Variants in LRRTM4 observed in about 807,000 individuals in gnomAD.
The protein encoded by LRRTM4 is leucine rich repeat transmembrane neuronal 4.
LRRTM4 carries 25 observed loss-of-function variants against 47.6 expected under a neutral mutation model. The observed-to-expected ratio is 0.53, with a 90% CI of 0.38 to 0.73. The LOEUF is 0.73. Ranked by LOEUF, LRRTM4 falls within the 30% of genes least tolerant of loss-of-function variation. LRRTM4 has a pLI of 0.00. For missense variants in LRRTM4, 638 were observed against 713.4 expected, an observed-to-expected ratio of 0.89 and a Z score of 1.20; for synonymous variants, 311 against 269.5, an observed-to-expected ratio of 1.15 and a Z score of -1.51.
At chr2:77,378,066 C>T (rs1453279822) in intron 3 of LRRTM4, among the ~76,000 whole-genome samples, 1 of 151,882 alleles carries the variant, frequency 6.6e-6, no homozygotes, top group African/African-American at 2.4e-5. Context: ...CATAATTATT[C>T]ACAATACTAT....
At chr2:76,749,012 T>A in intron 3 of LRRTM4, 96 bp from the exon 4 acceptor site, 1 of 909,566 alleles carries the variant, frequency 1.1e-6, no homozygotes, top group South Asian at 1.6e-5. Flanking sequence ...TCTTTCATGC[T>A]GTTTCAAGTC....
At chr2:77,085,378 CTT>C (rs11393823) in intron 3 of LRRTM4, among the ~76,000 whole-genome samples, 28 of 139,692 alleles carry the variant, frequency 2.0e-4, no homozygotes, top group Admixed American at 2.1e-4. Flanking sequence ...CAATCCCTCA[CTT>C]TTTTTTTTTT....
intron 3 of LRRTM4, among the ~76,000 whole-genome samples, chr2:76,764,939 G>C (rs567228092): frequency 6.6e-6 from 1 of 152,252 alleles, no homozygotes; most frequent in Non-Finnish European, 1.5e-5. Context: ...TGGAGCCTTG[G>C]GGGCAGGACC....
At chr2:76,824,532 A>G (rs985164159) in intron 3 of LRRTM4, among the ~76,000 whole-genome samples, 4 of 151,612 alleles carry the variant, frequency 2.6e-5, no homozygotes, top group Admixed American at 6.6e-5. Flanking sequence ...GCTTATGTGT[A>G]TAACACTAAG....
chr2:77,010,721 A>T (rs891186160), intron 3 of LRRTM4, among the ~76,000 whole-genome samples: 3 of 152,100 alleles, frequency 2.0e-5, no homozygotes, highest in Non-Finnish European at 4.4e-5. Flanking sequence ...TTCTCTGCCC[A>T]GGATGTAAAA....
At chr2:76,793,093 T>A (rs10178612) in intron 3 of LRRTM4, among the ~76,000 whole-genome samples, 4 of 152,092 alleles carry the variant, frequency 2.6e-5, no homozygotes, top group African/African-American at 7.2e-5. Flanking sequence ...GAAAGTCACA[T>A]AGAACTTGGA....
At chr2:77,379,329 C>T (rs1268710929) in intron 3 of LRRTM4, among the ~76,000 whole-genome samples, 3 of 151,988 alleles carry the variant, frequency 2.0e-5, no homozygotes, top group South Asian at 2.1e-4. Flanking sequence ...TAATACATTA[C>T]GTTTATGTGA....
chr2:76,771,954 A>G (rs1673730699), intron 3 of LRRTM4, among the ~76,000 whole-genome samples: 1 of 152,194 alleles, frequency 6.6e-6, no homozygotes, highest in South Asian at 2.1e-4. Flanking sequence ...ATAATAAACC[A>G]AAATAGACAT....
At chr2:76,970,862 G>A (rs902180260) in intron 3 of LRRTM4, among the ~76,000 whole-genome samples, 8 of 152,108 alleles carry the variant, frequency 5.3e-5, no homozygotes, top group African/African-American at 1.9e-4. Context: ...ATTAATTGCA[G>A]TTTCAGGGAA....
intron 3 of LRRTM4, among the ~76,000 whole-genome samples, chr2:77,320,324 T>C (rs1471626524): frequency 1.3e-5 from 2 of 152,216 alleles, no homozygotes; most frequent in Non-Finnish European, 2.9e-5. Flanking sequence ...TTATGAGTTG[T>C]CAGATAATCT....
At chr2:76,934,664 T>G (rs1674882372) in intron 3 of LRRTM4, among the ~76,000 whole-genome samples, 2 of 152,204 alleles carry the variant, frequency 1.3e-5, no homozygotes, top group Admixed American at 1.3e-4. Flanking sequence ...TGGGAAGATA[T>G]GTGCAGAATC....
At chr2:77,352,579 G>T (rs1671825831) in intron 3 of LRRTM4, among the ~76,000 whole-genome samples, 1 of 152,020 alleles carries the variant, frequency 6.6e-6, no homozygotes, top group Non-Finnish European at 1.5e-5. Context: ...TTTGAGGAGA[G>T]ACCAAGTTTG....
chr2:77,068,806 T>C (rs574215520), intron 3 of LRRTM4, among the ~76,000 whole-genome samples: 1 of 152,342 alleles, frequency 6.6e-6, no homozygotes, highest in Admixed American at 6.5e-5. Context: ...TCTACAGCAC[T>C]GTAACATGTT....
chr2:76,980,464 A>G (rs1308781093), intron 3 of LRRTM4, among the ~76,000 whole-genome samples: 1 of 152,138 alleles, frequency 6.6e-6, no homozygotes, highest in East Asian at 1.9e-4. Context: ...GTGGCAGAGA[A>G]AACAGATGGA....
rs78792909 is a variant in LRRTM4, at chr2:77,135,469, A to G, written c.1551+382849T>C. The stretch of plus-strand genomic sequence containing the variant: ...TACTTAGGGTCTTCTTGGATCCTAA[A>G]CTTCCCAGCAATGTTTGGATTAAAT... On this transcript the variant is annotated intron_variant, in intron 3 of 3. Coordinates refer to ENST00000409884, the MANE Select transcript of LRRTM4 (RefSeq NM_001134745.3). Among the ~76,000 whole-genome samples, 973 of 152,348 alleles carry G rather than the reference A, an allele frequency of 6.4e-3. 9 individuals are homozygous for G. Among genetic ancestry groups the G allele is most frequent in the Non-Finnish European group, 0.01 (690 of 68,032 alleles).
In LRRTM4 at chr2:77,470,136, T is replaced by C. The variant is rs953499402; in HGVS notation, c.1551+48182A>G. Among the ~76,000 whole-genome samples, 10 of 152,288 alleles carry C rather than the reference T, an allele frequency of 6.6e-5. No individual in the cohort carries two copies. In the South Asian group the frequency reaches 1.7e-3, roughly 25 times the overall value. On this transcript the variant is annotated intron_variant, in intron 3 of 3. Coordinates refer to ENST00000409884, the MANE Select transcript of LRRTM4 (RefSeq NM_001134745.3). ...CCAGCAGGGGCATATATTTGGGCTGTAGGGAAAACCACTTCAAAAATGCGT... is the reference window on the plus strand; with the variant it reads ...CCAGCAGGGGCATATATTTGGGCTGCAGGGAAAACCACTTCAAAAATGCGT...
intron 3 of LRRTM4, among the ~76,000 whole-genome samples, chr2:77,408,652 C>T (rs1164554723): frequency 6.6e-6 from 1 of 152,092 alleles, no homozygotes; most frequent in East Asian, 1.9e-4. Flanking sequence ...GCCTCTGAAT[C>T]CCCCCAGGAA....
chr2:77,425,783 A>G (rs1675080820), intron 3 of LRRTM4, among the ~76,000 whole-genome samples: 2 of 151,980 alleles, frequency 1.3e-5, no homozygotes, highest in South Asian at 2.1e-4. Context: ...TCCTCATGTA[A>G]TAGAACCTGT....
intron 3 of LRRTM4, among the ~76,000 whole-genome samples, chr2:76,807,443 T>TATATAA (rs1340328428): frequency 1.0e-5 from 1 of 99,506 alleles, no homozygotes; most frequent in African/African-American, 6.0e-5. Context: ...TATACGTATA[T>TATATAA]ACATATATAT....
Sources: gnomAD v4.1 joint callset for allele counts (sites outside exome capture counted in the v4.1 genomes callset) on GRCh38, gnomAD v4.1.1 for gene constraint, MANE v1.5 for transcripts, NCBI Gene and HGNC (gene_info 2026-07-23, HGNC 2026-07-21) for gene names.